Variants in TMEFF1 observed in about 807,000 individuals in gnomAD.
TMEFF1 encodes tomoregulin-1.
In TMEFF1, 20 loss-of-function variants were observed where a neutral mutation model predicts 47.5. The observed-to-expected ratio is 0.42, with a 90% CI of 0.30 to 0.61. The LOEUF (loss-of-function observed/expected upper bound fraction) is 0.61, where lower values mean the gene tolerates loss of function less well. TMEFF1 is among the 20% of genes least tolerant of loss of function. The probability of loss-of-function intolerance (pLI) is 0.19; values close to 1 mark genes in which losing one functional copy is unlikely to be tolerated. For missense variants in TMEFF1, 411 were observed against 471.1 expected, an observed-to-expected ratio of 0.87 and a Z score of 1.18; for synonymous variants, 162 against 166.3, an observed-to-expected ratio of 0.97 and a Z score of 0.20.
intron 2 of TMEFF1, among the ~76,000 whole-genome samples, chr9:100,499,431 T>C (rs189979775): frequency 7.5e-4 from 114 of 152,354 alleles, no homozygotes; most frequent in Admixed American, 2.6e-3. Context: ...GAAATAGTTA[T>C]ATTTAATTCT....
At chr9:100,564,082 GT>G (rs1839074540) in intron 8 of TMEFF1, among the ~76,000 whole-genome samples, 1 of 152,028 alleles carries the variant, frequency 6.6e-6, no homozygotes. Context: ...TTTTCGTTTT[GT>G]TTTTGTTTTG....
chr9:100,491,039 A>G (rs778076274), intron 1 of TMEFF1, among the ~76,000 whole-genome samples: 26 of 152,006 alleles, frequency 1.7e-4, no homozygotes, highest in Non-Finnish European at 3.2e-4. Flanking sequence ...CTGTGTATAT[A>G]GTTTTGTGGT....
In TMEFF1 at chr9:100,576,696, G is replaced by T; in HGVS notation, c.*96G>T. 1 of 1,468,856 alleles carries T rather than the reference G, an allele frequency of 6.8e-7. No individual in the cohort carries two copies. The highest frequency in any genetic ancestry group is 9.1e-7 in the Non-Finnish European group (1 of 1,093,648). The allele number at this position is 1,468,856 out of a possible 1,614,324, so 91.0% of individuals were successfully genotyped here. A position where few individuals can be genotyped will look rare whatever the true frequency, so the allele number is the denominator to read the frequency against. ...TATTTATTTCAGAGGCCTTATTTTT[G>T]GACATTTTTAGTGTAGTACTGTTGG... On this transcript the variant is annotated 3_prime_UTR_variant, in exon 10 of 10. Coordinates refer to ENST00000374879, the MANE Select transcript of TMEFF1 (RefSeq NM_003692.5).
chr9:100,520,889 C>G (rs1283409373), intron 5 of TMEFF1, among the ~76,000 whole-genome samples: 1 of 152,186 alleles, frequency 6.6e-6, no homozygotes, highest in Non-Finnish European at 1.5e-5. Flanking sequence ...GTGGTTGTTT[C>G]ACTGCTGCAC....
chr9:100,560,500 A>T (rs1368940559), intron 7 of TMEFF1, among the ~76,000 whole-genome samples: 1 of 152,110 alleles, frequency 6.6e-6, no homozygotes, highest in Non-Finnish European at 1.5e-5. Flanking sequence ...ATACCAAAAA[A>T]AGTACAAAAA....
chr9:100,481,640 A>G (rs994118480), intron 1 of TMEFF1, among the ~76,000 whole-genome samples: 5 of 152,250 alleles, frequency 3.3e-5, no homozygotes, highest in African/African-American at 1.2e-4. Context: ...TTTAGAAAAC[A>G]AAGTCTGAAA....
At chr9:100,561,204 G>A (rs1587856253) in intron 7 of TMEFF1, among the ~76,000 whole-genome samples, 193 bp from the exon 8 acceptor site, 1 of 152,194 alleles carries the variant, frequency 6.6e-6, no homozygotes, top group South Asian at 2.1e-4. Flanking sequence ...TTTACCTGCT[G>A]TGTTTATGGC....
At position 100,572,656 on chromosome 9, in the gene TMEFF1, A is replaced by T; in HGVS notation, c.1038A>T (p.Ala346=). Residue 346 remains alanine, a synonymous_variant, in exon 9 of 10, where the codon GCA becomes GCT. Coordinates refer to ENST00000374879, the MANE Select transcript of TMEFF1 (RefSeq NM_003692.5). ...CTGTACAGATTGCCATCATAGTAGC[A>T]ATTGTAATGTGCATAACAAGGTAGG... ...IGAVQIAIIV[A]IVMCITRKCP... is the part of the protein sequence containing the mutation. The T allele has an allele frequency of 6.2e-7, 1 of 1,610,056 alleles. No individual in the cohort carries two copies. Among genetic ancestry groups the T allele is most frequent in the South Asian group, 1.1e-5 (1 of 89,876 alleles).
chr9:100,573,770 T>C (rs897843286), intron 9 of TMEFF1, among the ~76,000 whole-genome samples: 1 of 152,152 alleles, frequency 6.6e-6, no homozygotes, highest in African/African-American at 2.4e-5. Flanking sequence ...AAAGAAAAGG[T>C]TCTCCAAGTA....
intron 5 of TMEFF1, among the ~76,000 whole-genome samples, chr9:100,531,260 T>G (rs1446127088): frequency 6.6e-6 from 1 of 151,990 alleles, no homozygotes; most frequent in Non-Finnish European, 1.5e-5. Context: ...GAGAAGAAAA[T>G]AAAGGGTATT....
chr9:100,473,519 C>G lies in TMEFF1; in HGVS notation c.-26C>G, dbSNP rs1837158806. The G allele has an allele frequency of 7.1e-7, 1 of 1,398,614 alleles. No homozygotes were observed. Among genetic ancestry groups the G allele is most frequent in the Non-Finnish European group, 9.3e-7 (1 of 1,078,686 alleles). The allele number at this position is 1,398,614 out of a possible 1,614,324, so 86.6% of individuals were successfully genotyped here. ...TGCCCCCGGCCTGCGGCTCCCTGCG[C>G]TTCCCGCCGTCCAGGGGCACCAGTC... On this transcript the variant is annotated 5_prime_UTR_variant, in exon 1 of 10. Coordinates refer to ENST00000374879, the MANE Select transcript of TMEFF1 (RefSeq NM_003692.5). This position sits in a 1 kb window ranked among gnomAD's most constrained non-coding sequence, Gnocchi z 5.4.
intron 1 of TMEFF1, among the ~76,000 whole-genome samples, chr9:100,489,248 C>G (rs957587120): frequency 8.0e-4 from 121 of 152,086 alleles, no homozygotes; most frequent in African/African-American, 2.6e-3. Flanking sequence ...GATCTCTGTT[C>G]CCAGGCTGGA....
intron 1 of TMEFF1, among the ~76,000 whole-genome samples, chr9:100,476,872 A>G (rs1837241793): frequency 6.7e-6 from 1 of 150,038 alleles, no homozygotes; most frequent in Non-Finnish European, 1.5e-5. Context: ...AATTTTTTGT[A>G]TTTTTAGTAG....
intron 5 of TMEFF1, among the ~76,000 whole-genome samples, chr9:100,543,189 A>G (rs1424595085): frequency 6.6e-6 from 1 of 152,112 alleles, no homozygotes; most frequent in South Asian, 2.1e-4. Context: ...TGGCCTCCCA[A>G]AGTGCTGGGA....
chr9:100,504,337 A>C (rs1837818434), intron 2 of TMEFF1, among the ~76,000 whole-genome samples: 1 of 152,166 alleles, frequency 6.6e-6, no homozygotes, highest in African/African-American at 2.4e-5. Flanking sequence ...CTCCCATCTC[A>C]CACTCACTCC....
At chr9:100,486,330 C>T (rs1190575052) in intron 1 of TMEFF1, among the ~76,000 whole-genome samples, 1 of 152,180 alleles carries the variant, frequency 6.6e-6, no homozygotes, top group Non-Finnish European at 1.5e-5. Context: ...GCAACCTCTG[C>T]ATCCCAGGTT....
At chr9:100,537,479 G>T (rs1041650718) in intron 5 of TMEFF1, among the ~76,000 whole-genome samples, 2 of 152,226 alleles carry the variant, frequency 1.3e-5, no homozygotes, top group African/African-American at 4.8e-5. Context: ...TAGGATGCAT[G>T]TTTGGGGCTC....
chr9:100,571,076 CCTT>C lies in TMEFF1; in HGVS notation c.900-1441_900-1439del, dbSNP rs572900080. On this transcript the variant is annotated intron_variant, in intron 8 of 9. Coordinates refer to ENST00000374879, the MANE Select transcript of TMEFF1 (RefSeq NM_003692.5). ...CAAGATTAGCACCTACAGCTTACCT[CCTT>C]GACTGCTTGACATTGTTTCTGTTAT... Among the ~76,000 whole-genome samples the C allele has an allele frequency of 8.3e-4, 127 of 152,288 alleles. 2 individuals are homozygous for C. Among genetic ancestry groups the C allele is most frequent in the African/African-American group, 3.0e-3 (123 of 41,576 alleles).
intron 1 of TMEFF1, among the ~76,000 whole-genome samples, chr9:100,485,272 C>T (rs1174046057): frequency 6.6e-6 from 1 of 152,074 alleles, no homozygotes; most frequent in African/African-American, 2.4e-5. Context: ...TATTCATGTA[C>T]AAGTTTTTGT....
Sources: gnomAD v4.1 joint callset for allele counts (sites outside exome capture counted in the v4.1 genomes callset) on GRCh38, gnomAD v4.1.1 for gene constraint, Gnocchi (gnomAD v3.1) non-coding constraint, MANE v1.5 for transcripts, NCBI Gene and HGNC (gene_info 2026-07-23, HGNC 2026-07-21) for gene names.